Variants in SLC6A6 observed in about 807,000 individuals in gnomAD.
SLC6A6 encodes the protein solute carrier family 6 member 6, also known as sodium- and chloride-dependent taurine transporter.
SLC6A6 carries 16 observed loss-of-function variants against 68.8 expected under a neutral mutation model. The observed-to-expected ratio is 0.23, with a 90% confidence interval of 0.16 to 0.35. The LOEUF (loss-of-function observed/expected upper bound fraction) is 0.35, where lower values mean the gene tolerates loss of function less well. Among genes scored for constraint, SLC6A6 ranks in the 10% least tolerant of loss-of-function variants. SLC6A6 has a pLI of 1.00. For missense variants in SLC6A6, 474 were observed against 802.8 expected (o/e 0.59, Z 4.95); for synonymous variants, 312 against 315.4 (o/e 0.99, Z 0.12).
chr3:14,424,591 C>T lies in SLC6A6; in HGVS notation c.-12+8138C>T, dbSNP rs1422939462. Among the ~76,000 whole-genome samples, 2 of 152,118 alleles carry T rather than the reference C, an allele frequency of 1.3e-5. 1 individual carries two copies. Among genetic ancestry groups the T allele is most frequent in the Admixed American group, 1.3e-4 (2 of 15,268 alleles). Reference sequence around the variant, plus strand: ...GGGGTTGGGTCTGGCTCAGTGGCCTCGGATCTGTTCAGAGTGGTTGGTCTT... The same window carrying T: ...GGGGTTGGGTCTGGCTCAGTGGCCTTGGATCTGTTCAGAGTGGTTGGTCTT... On this transcript the variant is annotated intron_variant, in intron 2 of 14. Coordinates refer to ENST00000622186, the MANE Select transcript of SLC6A6 (RefSeq NM_003043.6).
chr3:14,472,754 C>T lies in SLC6A6; in HGVS notation c.1209+437C>T, dbSNP rs768391765. The stretch of plus-strand genomic sequence containing the variant: ...GCAGATGGGCGATTCGGAGAAGGGA[C>T]CCACATTTCTGTGTGAGCTGATCAT... On this transcript the variant is annotated intron_variant, in intron 10 of 14. Transcript: ENST00000622186. The surrounding 1 kb of genome is among the most constrained non-coding windows in gnomAD (Gnocchi z 4.5). 6.6e-6 allele frequency among the ~76,000 whole-genome samples: 1 copy of T among 152,166 alleles called. No homozygotes were observed. The highest frequency in any genetic ancestry group is 1.5e-5 in the Non-Finnish European group (1 of 68,018).
intron 1 of SLC6A6, among the ~76,000 whole-genome samples, chr3:14,415,329 C>T (rs1574909806): frequency 1.3e-5 from 2 of 152,304 alleles, no homozygotes; most frequent in East Asian, 3.9e-4. Context: ...ATTTGGGGGA[C>T]AGGGAGCTCT....
At position 14,458,096 on chromosome 3, in the gene SLC6A6, C is replaced by T. The variant is rs566272127; in HGVS notation, c.732+14C>T. 8.7e-6 allele frequency: 14 copies of T among 1,612,360 alleles called. No individual in the cohort carries two copies. In the African/African-American group the frequency reaches 1.2e-4, roughly 14 times the overall value. ...TCCACTGGGAAGGTAAGTTGGACTTCTGTCCGTCCCCTGCCTCCTGGAGAG... is the reference window on the plus strand; with the variant it reads ...TCCACTGGGAAGGTAAGTTGGACTTTTGTCCGTCCCCTGCCTCCTGGAGAG... On this transcript the variant is annotated intron_variant, in intron 6 of 14. Coordinates refer to ENST00000622186, the MANE Select transcript of SLC6A6 (RefSeq NM_003043.6).
At chr3:14,463,844 C>G (rs1700552638) in intron 6 of SLC6A6, among the ~76,000 whole-genome samples, 1 of 152,172 alleles carries the variant, frequency 6.6e-6, no homozygotes, top group Admixed American at 6.5e-5. Context: ...GCAGTAGGGC[C>G]CAGCCTGTCA....
chr3:14,445,992 C>T, intron 4 of SLC6A6, 141 bp downstream of exon 4: 1 of 829,636 alleles, frequency 1.2e-6, no homozygotes, highest in Non-Finnish European at 1.9e-6. Context: ...GCAGCCAGTA[C>T]AGTACCAGTG....
At chr3:14,427,081 A>G (rs925022103) in intron 2 of SLC6A6, among the ~76,000 whole-genome samples, 1 of 145,232 alleles carries the variant, frequency 6.9e-6, no homozygotes, top group Non-Finnish European at 1.5e-5. Context: ...ACTCTGAGGC[A>G]CAGAGACCCT....
chr3:14,445,085 C>T (rs952954536), intron 3 of SLC6A6, among the ~76,000 whole-genome samples: 3 of 152,226 alleles, frequency 2.0e-5, no homozygotes, highest in South Asian at 2.1e-4. Context: ...GTTCAGGGGA[C>T]GGATGTGGAG....
Position 14,407,885 on chromosome 3 carries a change from T to C in SLC6A6, c.-54+5038T>C, listed in dbSNP as rs9847308. ...AAATGGACTTATTTAGTGTATACTC[T>C]TTTGTCCATTTTTTTCTGCCTCACA... On this transcript the variant is annotated intron_variant, in intron 1 of 14. Coordinates refer to ENST00000622186, the MANE Select transcript of SLC6A6 (RefSeq NM_003043.6). Among the ~76,000 whole-genome samples, 336 of 152,324 alleles carry C rather than the reference T, an allele frequency of 2.2e-3. 1 individual carries two copies. Among genetic ancestry groups the C allele is most frequent in the African/African-American group, 7.4e-3 (307 of 41,560 alleles).
chr3:14,454,305 A>T (rs2124961873), intron 5 of SLC6A6, among the ~76,000 whole-genome samples: 1 of 152,216 alleles, frequency 6.6e-6, no homozygotes, highest in South Asian at 2.1e-4. Flanking sequence ...AGCTGTGTTA[A>T]CACTGTGGGG....
At chr3:14,416,772 C>G (rs1419941294) in intron 2 of SLC6A6, among the ~76,000 whole-genome samples, 1 of 152,270 alleles carries the variant, frequency 6.6e-6, no homozygotes, top group African/African-American at 2.4e-5. Context: ...TGGGGCAAGT[C>G]TGCCGTGGGG....
chr3:14,471,957 G>A (rs1249750907), intron 9 of SLC6A6, among the ~76,000 whole-genome samples: 1 of 152,120 alleles, frequency 6.6e-6, no homozygotes, highest in Non-Finnish European at 1.5e-5. Flanking sequence ...ACGCCCCGAT[G>A]GATGCTGGTG....
intron 5 of SLC6A6, among the ~76,000 whole-genome samples, chr3:14,452,758 G>T (rs919802981): frequency 1.1e-4 from 17 of 152,204 alleles, no homozygotes; most frequent in African/African-American, 3.9e-4. Context: ...TTTCATGCTG[G>T]CTTTATAATT....
chr3:14,413,127 A>G (rs1363964753), intron 1 of SLC6A6, among the ~76,000 whole-genome samples: 1 of 152,168 alleles, frequency 6.6e-6, no homozygotes, highest in Non-Finnish European at 1.5e-5. Context: ...CCACAGCGGG[A>G]TTTGGGGCTG....
chr3:14,446,667 T>C (rs1397365217), intron 4 of SLC6A6, among the ~76,000 whole-genome samples: 1 of 152,236 alleles, frequency 6.6e-6, no homozygotes, highest in Non-Finnish European at 1.5e-5. Context: ...TTGATAGTTT[T>C]GTGACTTTGA....
chr3:14,416,221 T>C (rs780475652), intron 1 of SLC6A6, among the ~76,000 whole-genome samples, 191 bp from the exon 2 acceptor site: 2 of 152,140 alleles, frequency 1.3e-5, no homozygotes, highest in African/African-American at 2.4e-5. Flanking sequence ...CGTCTGCATG[T>C]GAGCTTGTGT....
At chr3:14,455,028 A>G (rs1318574021) in intron 5 of SLC6A6, among the ~76,000 whole-genome samples, 1 of 152,186 alleles carries the variant, frequency 6.6e-6, no homozygotes, top group Non-Finnish European at 1.5e-5. Context: ...GCTCCTCTTG[A>G]TGGACATTTG....
intron 5 of SLC6A6, chr3:14,448,089 C>T: frequency 8.5e-7 from 1 of 1,175,944 alleles, no homozygotes; most frequent in Non-Finnish European, 1.1e-6. Context: ...ATCATTACTA[C>T]CCTGTGAGGC....
chr3:14,416,551 T>C (rs553428706), intron 2 of SLC6A6, 98 bp downstream of exon 2: 1 of 397,782 alleles, frequency 2.5e-6, no homozygotes, highest in Non-Finnish European at 4.4e-6. Context: ...CCCCAGGCTC[T>C]AGGAGGACAA....
intron 6 of SLC6A6, 22 bp downstream of exon 6, chr3:14,458,104 C>G (rs1377861948): frequency 6.2e-7 from 1 of 1,610,640 alleles, no homozygotes; most frequent in East Asian, 2.2e-5. Context: ...TTCTGTCCGT[C>G]CCCTGCCTCC....
Sources: allele counts gnomAD v4.1 joint callset (sites outside exome capture counted in the v4.1 genomes callset), GRCh38; gene constraint gnomAD v4.1.1; non-coding constraint Gnocchi (gnomAD v3.1); transcripts MANE v1.5; gene names NCBI Gene and HGNC (gene_info 2026-07-23, HGNC 2026-07-21).